Variants in KCNIP4 observed in about 807,000 individuals in gnomAD.
KCNIP4 encodes the protein Kv channel-interacting protein 4.
A neutral mutation model predicts 34.0 loss-of-function variants in KCNIP4; 12 were observed. That is an observed-to-expected ratio of 0.35 (90% CI 0.23 to 0.57). KCNIP4 has a LOEUF of 0.57. KCNIP4 is among the 20% of genes least tolerant of loss of function. The pLI, the probability that KCNIP4 is intolerant of heterozygous loss-of-function variation, is 0.83. For missense variants in KCNIP4, 238 were observed against 311.7 expected, an observed-to-expected ratio of 0.76 and a Z score of 1.78; for synonymous variants, 124 against 102.2, an observed-to-expected ratio of 1.21 and a Z score of -1.29.
At chr4:21,294,470 A>T (rs191260154) in intron 1 of KCNIP4, among the ~76,000 whole-genome samples, 3 of 152,296 alleles carry the variant, frequency 2.0e-5, no homozygotes, top group Admixed American at 6.5e-5. Flanking sequence ...CCTGGGCATA[A>T]TCCAATAAAA....
intron 1 of KCNIP4, among the ~76,000 whole-genome samples, chr4:21,412,868 C>G (rs945709345): frequency 6.6e-6 from 1 of 152,172 alleles, no homozygotes; most frequent in Non-Finnish European, 1.5e-5. Flanking sequence ...GATTGTAGGT[C>G]ATGCTGACAT....
At chr4:20,951,989 C>T (rs1261690209) in intron 1 of KCNIP4, among the ~76,000 whole-genome samples, 1 of 152,156 alleles carries the variant, frequency 6.6e-6, no homozygotes, top group Non-Finnish European at 1.5e-5. Flanking sequence ...TACTGCTACA[C>T]CTCTTCCAAT....
chr4:21,050,495 G>A, intron 1 of KCNIP4, among the ~76,000 whole-genome samples: 1 of 152,174 alleles, frequency 6.6e-6, no homozygotes, highest in Middle Eastern at 3.4e-3. Context: ...CATAGTTAAA[G>A]ACCAAAATTT....
intron 1 of KCNIP4, among the ~76,000 whole-genome samples, chr4:21,805,783 C>A (rs1721254994): frequency 6.6e-6 from 1 of 152,276 alleles, no homozygotes; most frequent in Middle Eastern, 3.4e-3. Flanking sequence ...TGAGCCCTGG[C>A]CAGTAAGCAA....
chr4:21,088,846 A>T (rs1246832001), intron 1 of KCNIP4, among the ~76,000 whole-genome samples: 1 of 151,522 alleles, frequency 6.6e-6, no homozygotes, highest in East Asian at 1.9e-4. Context: ...TATTTGTTCA[A>T]TATCCATCTT....
At chr4:20,992,253 A>G (rs1346894230) in intron 1 of KCNIP4, among the ~76,000 whole-genome samples, 2 of 152,298 alleles carry the variant, frequency 1.3e-5, no homozygotes, top group South Asian at 2.1e-4. Flanking sequence ...AAGGAGAAGC[A>G]GGCACTTTCT....
intron 1 of KCNIP4, among the ~76,000 whole-genome samples, chr4:21,922,785 TATAA>T (rs1284547313): frequency 6.6e-6 from 1 of 152,192 alleles, no homozygotes; most frequent in East Asian, 1.9e-4. Context: ...ATTTGCTACA[TATAA>T]ATGAGTCAGA....
chr4:21,312,902 G>A (rs1252137552), intron 1 of KCNIP4, among the ~76,000 whole-genome samples: 1 of 152,206 alleles, frequency 6.6e-6, no homozygotes, highest in Non-Finnish European at 1.5e-5. Context: ...CAGAACTGAT[G>A]TGCAGCCATC....
intron 1 of KCNIP4, among the ~76,000 whole-genome samples, chr4:21,874,864 A>G (rs955526874): frequency 1.3e-5 from 2 of 152,122 alleles, no homozygotes; most frequent in African/African-American, 4.8e-5. Flanking sequence ...ACTTGATTGT[A>G]TTTCTCTGAA....
At chr4:20,991,157 G>T (rs910035286) in intron 1 of KCNIP4, among the ~76,000 whole-genome samples, 3 of 152,186 alleles carry the variant, frequency 2.0e-5, no homozygotes, top group Non-Finnish European at 4.4e-5. Context: ...TTACATTGGA[G>T]GGGAAGTATG....
intron 1 of KCNIP4, among the ~76,000 whole-genome samples, chr4:21,174,135 A>G (rs879366961): frequency 6.6e-6 from 1 of 152,102 alleles, no homozygotes; most frequent in Non-Finnish European, 1.5e-5. Flanking sequence ...CAATGGATCC[A>G]CTCAATTTTT....
chr4:21,311,706 G>A (rs1578062293), intron 1 of KCNIP4, among the ~76,000 whole-genome samples: 1 of 148,236 alleles, frequency 6.7e-6, no homozygotes, highest in Admixed American at 6.6e-5. Context: ...GAAAAAAAAT[G>A]TAAAAAGCCT....
At chr4:21,678,161 C>A (rs188481354) in intron 1 of KCNIP4, among the ~76,000 whole-genome samples, 3 of 152,254 alleles carry the variant, frequency 2.0e-5, no homozygotes, top group Admixed American at 6.5e-5. Context: ...TCTGTTACAA[C>A]TACTCAACAC....
At chr4:21,414,119 T>C (rs1034253529) in intron 1 of KCNIP4, among the ~76,000 whole-genome samples, 15 of 152,012 alleles carry the variant, frequency 9.9e-5, no homozygotes, top group Admixed American at 6.6e-5. Flanking sequence ...TAGAGTAGGT[T>C]AGATGATGAT....
chr4:21,023,811 G>A (rs1343593102), intron 1 of KCNIP4, among the ~76,000 whole-genome samples: 1 of 152,092 alleles, frequency 6.6e-6, no homozygotes, highest in Admixed American at 6.6e-5. Flanking sequence ...GAACCCAGGA[G>A]TTTGAGGTTG....
intron 1 of KCNIP4, among the ~76,000 whole-genome samples, chr4:21,268,144 AC>A (rs1761931445): frequency 6.6e-6 from 1 of 152,236 alleles, no homozygotes; most frequent in African/African-American, 2.4e-5. Flanking sequence ...ATAAAAGGTC[AC>A]TTTTAATGAT....
intron 1 of KCNIP4, among the ~76,000 whole-genome samples, chr4:21,075,585 C>G (rs1201466415): frequency 6.6e-6 from 1 of 152,072 alleles, no homozygotes; most frequent in South Asian, 2.1e-4. Context: ...AGTCTTGACT[C>G]TTTATCCAAT....
chr4:20,882,549 G>T, intron 2 of KCNIP4, 59 bp downstream of exon 2: 6 of 1,173,728 alleles, frequency 5.1e-6, no homozygotes, highest in South Asian at 3.8e-5. Flanking sequence ...ATGCATGCAG[G>T]CCTAAAGAAA....
chr4:21,691,851 AC>A (rs1268543325), intron 1 of KCNIP4, among the ~76,000 whole-genome samples: 1 of 151,880 alleles, frequency 6.6e-6, no homozygotes, highest in Non-Finnish European at 1.5e-5. Flanking sequence ...GGCACCCGCC[AC>A]CATGCGCAGC....
Sources: allele counts gnomAD v4.1 joint callset (sites outside exome capture counted in the v4.1 genomes callset), GRCh38; gene constraint gnomAD v4.1.1; transcripts MANE v1.5; gene names NCBI Gene and HGNC (gene_info 2026-07-23, HGNC 2026-07-21).